ADAMTS9: variants seen among roughly 807,000 people sequenced by gnomAD.
The protein encoded by ADAMTS9 is ADAM metallopeptidase with thrombospondin type 1 motif 9.
Under a neutral mutation model 257.1 loss-of-function variants are expected in ADAMTS9, and 107 were observed. That is an observed-to-expected ratio of 0.42 (90% CI 0.36 to 0.49). The LOEUF (loss-of-function observed/expected upper bound fraction) is 0.49. Ranked by LOEUF, ADAMTS9 falls within the 20% of genes least tolerant of loss-of-function variation. ADAMTS9 has a pLI of 0.03. For synonymous variants in ADAMTS9, 982 were observed against 880.9 expected, an observed-to-expected ratio of 1.11 and a Z score of -2.03; for missense variants, 2,353 against 2,469.1, an observed-to-expected ratio of 0.95 and a Z score of 1.00.
chr3:64,651,174 T>G lies in ADAMTS9; in HGVS notation c.1317-11A>C. ...TGAGGCATGTTAAACCTAAAGCCAA[T>G]GAGACAATGATGAGAATGTCAATAA... On this transcript the variant is annotated splice_polypyrimidine_tract_variant and intron_variant, in intron 8 of 39. Transcript: ENST00000498707. 6.4e-7 allele frequency: 1 copy of G among 1,560,064 alleles called. No individual in the cohort carries two copies. The highest frequency in any genetic ancestry group is 8.6e-7 in the Non-Finnish European group (1 of 1,160,434).
chr3:64,665,224 T>C (rs1701325016), intron 3 of ADAMTS9, among the ~76,000 whole-genome samples: 1 of 152,210 alleles, frequency 6.6e-6, no homozygotes, highest in Non-Finnish European at 1.5e-5. Context: ...CATGAGTTAA[T>C]ACAGGCTTTT....
chr3:64,515,972 C>CAA lies in ADAMTS9; in HGVS notation c.*1153_*1154dup. On this transcript the variant is annotated 3_prime_UTR_variant, in exon 40 of 40. Transcript: ENST00000498707. ...GAATTAATGAGCAATCGGAAAGACTCAAAGCATTTTGTACTCCACAGTTCA... is the reference window on the plus strand; with the variant it reads ...GAATTAATGAGCAATCGGAAAGACTCAAAAAGCATTTTGTACTCCACAGTTCA... The CAA allele has an allele frequency of 6.6e-6, 1 of 152,164 alleles. No individual in the cohort carries two copies. Among genetic ancestry groups the CAA allele is most frequent in the East Asian group, 1.9e-4 (1 of 5,188 alleles). 9.4% of individuals were successfully genotyped at this position (152,164 alleles called of 1,614,324 possible). A position where few individuals can be genotyped will look rare whatever the true frequency, so the allele number is the denominator to read the frequency against.
intron 26 of ADAMTS9, among the ~76,000 whole-genome samples, chr3:64,600,622 G>A (rs149985435): frequency 1.3e-5 from 2 of 152,354 alleles, no homozygotes; most frequent in East Asian, 1.9e-4. Flanking sequence ...TGAGACACTC[G>A]GTGATTACTT....
chr3:64,561,448 C>T (rs1302262891), intron 30 of ADAMTS9, 130 bp downstream of exon 30: 24 of 1,048,042 alleles, frequency 2.3e-5, no homozygotes, highest in Admixed American at 8.9e-5. Flanking sequence ...TGACAGTGAA[C>T]CTTTTGGGAA....
intron 38 of ADAMTS9, among the ~76,000 whole-genome samples, chr3:64,527,347 A>G (rs939108549): frequency 1.4e-4 from 21 of 152,074 alleles, no homozygotes; most frequent in African/African-American, 4.8e-4. Context: ...ATTTTTTTCA[A>G]TCTATATGAG....
chr3:64,613,685 A>G (rs2084710208), intron 21 of ADAMTS9, among the ~76,000 whole-genome samples, 176 bp from the exon 22 acceptor site: 1 of 152,104 alleles, frequency 6.6e-6, no homozygotes, highest in Non-Finnish European at 1.5e-5. Flanking sequence ...TCATTTATTC[A>G]TTCATTCTAT....
intron 38 of ADAMTS9, among the ~76,000 whole-genome samples, chr3:64,531,270 G>C (rs1365541142): frequency 1.3e-5 from 2 of 152,100 alleles, no homozygotes; most frequent in African/African-American, 2.4e-5. Flanking sequence ...AGGTGAGGGA[G>C]GCAGGTTGAG....
At chr3:64,547,413 G>A (rs894726905) in intron 31 of ADAMTS9, among the ~76,000 whole-genome samples, 3 of 152,080 alleles carry the variant, frequency 2.0e-5, no homozygotes, top group Non-Finnish European at 4.4e-5. Context: ...CTGAGCCAAC[G>A]GGGACTCTGG....
rs1247551236 is a variant in ADAMTS9, at chr3:64,515,969, A to T, written c.*1158T>A. ...AGTGAATTAATGAGCAATCGGAAAG[A>T]CTCAAAGCATTTTGTACTCCACAGT... On this transcript the variant is annotated 3_prime_UTR_variant, in exon 40 of 40. Coordinates refer to ENST00000498707, the MANE Select transcript of ADAMTS9 (RefSeq NM_182920.2). 2 of 152,158 alleles carry T rather than the reference A, an allele frequency of 1.3e-5. No homozygotes were observed. The highest frequency in any genetic ancestry group is 2.9e-5 in the Non-Finnish European group (2 of 68,036). 9.4% of individuals were successfully genotyped at this position (152,158 alleles called of 1,614,324 possible).
intron 38 of ADAMTS9, among the ~76,000 whole-genome samples, chr3:64,530,425 G>C (rs1377057595): frequency 1.3e-5 from 2 of 151,652 alleles, no homozygotes; most frequent in Non-Finnish European, 2.9e-5. Context: ...GGCTAGAGAG[G>C]GCTCAGTCCC....
chr3:64,573,312 A>C (rs1349350593), intron 28 of ADAMTS9, among the ~76,000 whole-genome samples: 2 of 152,178 alleles, frequency 1.3e-5, no homozygotes, highest in Non-Finnish European at 2.9e-5. Flanking sequence ...GATTCTGTAT[A>C]CATGAAATAT....
intron 30 of ADAMTS9, among the ~76,000 whole-genome samples, chr3:64,553,308 T>C (rs543562098): frequency 1.3e-5 from 2 of 152,340 alleles, no homozygotes; most frequent in Non-Finnish European, 2.9e-5. Context: ...TCATCCAATA[T>C]GTGGCCTTTA....
chr3:64,561,474 A>C (rs1394808049), intron 30 of ADAMTS9, 104 bp downstream of exon 30: 5 of 1,304,482 alleles, frequency 3.8e-6, no homozygotes, highest in Non-Finnish European at 5.3e-6. Flanking sequence ...CAGCATTGTA[A>C]CCGTGCTCGG....
rs1576125348 is a variant in ADAMTS9 at position 64,620,406 on chromosome 3, T to C, written c.2813+708A>G. Among the ~76,000 whole-genome samples the C allele has an allele frequency of 4.0e-5, 6 of 150,162 alleles. 1 individual carries two copies. The highest frequency in any genetic ancestry group is 1.5e-4 in the African/African-American group (6 of 39,808). On this transcript the variant is annotated intron_variant, in intron 19 of 39. Transcript: ENST00000498707. Reference sequence around the variant, plus strand: ...AACACATTCCTATACCACTCTCCACTGAATTTCCCTTCTTAAAAGGAGGAC... The same window carrying C: ...AACACATTCCTATACCACTCTCCACCGAATTTCCCTTCTTAAAAGGAGGAC...
At chr3:64,548,596 T>TGGG (rs11449006) in intron 31 of ADAMTS9, among the ~76,000 whole-genome samples, 22 of 150,690 alleles carry the variant, frequency 1.5e-4, no homozygotes, top group Middle Eastern at 3.4e-3. Context: ...GCTATTTATG[T>TGGG]GGGGGGGAGC....
chr3:64,606,499 C>A (rs531405758), intron 23 of ADAMTS9, among the ~76,000 whole-genome samples: 12 of 152,102 alleles, frequency 7.9e-5, no homozygotes, highest in Admixed American at 7.9e-4. Flanking sequence ...CTTTTAATAC[C>A]CTACATTTAA....
chr3:64,647,986 G>A lies in ADAMTS9; in HGVS notation c.1664C>T (p.Thr555Ile). 1 of 1,613,896 alleles carries A rather than the reference G, an allele frequency of 6.2e-7. No individual in the cohort carries two copies. Among genetic ancestry groups the A allele is most frequent in the Non-Finnish European group, 8.5e-7 (1 of 1,180,022 alleles). The change falls in exon 11 of 40, where the codon ACT (threonine) becomes ATT (isoleucine). Residue 555 changes from threonine to isoleucine, a missense_variant. This residue lies in a region of ADAMTS9 where 360 missense variants were observed against 458.1 expected (regional missense o/e 0.79). Transcript: ENST00000498707. ...CCCATCGGCCCAGGGTGTGTGCTGA[G>A]TCCGGCAGCCTTTGTGTACTCCATT... The part of the protein sequence containing the change: ...NVNGVHKGCR[T>I]QHTPWADGTE...
chr3:64,640,898 C>A, intron 12 of ADAMTS9, among the ~76,000 whole-genome samples: 1 of 150,828 alleles, frequency 6.6e-6, no homozygotes, highest in African/African-American at 2.4e-5. Context: ...TTTATTTAAA[C>A]ATGTCAGTCC....
At chr3:64,539,146 T>A in intron 37 of ADAMTS9, 57 bp downstream of exon 37, 1 of 1,515,038 alleles carries the variant, frequency 6.6e-7, no homozygotes, top group Non-Finnish European at 9.2e-7. Context: ...ACTGAGGATG[T>A]TCCCGGGAAA....
Sources: allele counts gnomAD v4.1 joint callset (sites outside exome capture counted in the v4.1 genomes callset), GRCh38; gene constraint gnomAD v4.1.1; regional missense constraint gnomAD v4.1.1; transcripts MANE v1.5; gene names NCBI Gene and HGNC (gene_info 2026-07-23, HGNC 2026-07-21).